POM121C: variants seen among roughly 807,000 people sequenced by gnomAD.
POM121C encodes the protein nuclear envelope pore membrane protein POM 121C.
POM121C carries 20 observed loss-of-function variants against 66.4 expected under a neutral mutation model. The observed-to-expected ratio is 0.30, with a 90% CI of 0.21 to 0.44. POM121C has a LOEUF of 0.44. POM121C is among the 20% of genes least tolerant of loss of function. The probability of loss-of-function intolerance (pLI) is 1.00; values close to 1 mark genes in which losing one functional copy is unlikely to be tolerated. For missense variants in POM121C, 580 were observed against 1,225.7 expected, an observed-to-expected ratio of 0.47 and a Z score of 7.87; for synonymous variants, 286 against 528.0, an observed-to-expected ratio of 0.54 and a Z score of 6.28.
chr7:75,434,546 G>C (rs1790329785), intron 7 of POM121C, among the ~76,000 whole-genome samples: 1 of 151,100 alleles, frequency 6.6e-6, no homozygotes, highest in African/African-American at 2.4e-5. Flanking sequence ...CAAAGTGCTG[G>C]GATTACAAGA....
intron 5 of POM121C, among the ~76,000 whole-genome samples, chr7:75,439,572 G>C (rs1790550209): frequency 6.6e-6 from 1 of 151,984 alleles, no homozygotes; most frequent in African/African-American, 2.4e-5. Context: ...TTTTTGTACA[G>C]GCGAGGGCTC....
At chr7:75,465,978 G>C (rs1194499843) in intron 3 of POM121C, among the ~76,000 whole-genome samples, 23 of 146,558 alleles carry the variant, frequency 1.6e-4, no homozygotes, top group African/African-American at 5.8e-4. Flanking sequence ...AAACCTGTCA[G>C]CTGGGCATGG....
rs1469609999 is a variant in POM121C, at chr7:75,417,228, A to AATTAC, written c.*1563_*1567dup. 1.1e-6 allele frequency: 1 copy of AATTAC among 947,620 alleles called. No individual in the cohort carries two copies. Among genetic ancestry groups the AATTAC allele is most frequent in the African/African-American group, 1.8e-5 (1 of 56,338 alleles). 58.7% of individuals were successfully genotyped at this position (947,620 alleles called of 1,614,324 possible). A position where few individuals can be genotyped will look rare whatever the true frequency, so the allele number is the denominator to read the frequency against. On this transcript the variant is annotated 3_prime_UTR_variant, in exon 15 of 15. Transcript: ENST00000615331. ...TACATCACATTATTTATAAAATAAG[A>AATTAC]ATTACATTTCATATAACATGGCCAG...
chr7:75,435,557 C>T (rs1247572938), intron 7 of POM121C, among the ~76,000 whole-genome samples: 2 of 152,106 alleles, frequency 1.3e-5, no homozygotes, highest in Admixed American at 1.3e-4. Flanking sequence ...AACTTTCAAA[C>T]ATACTGAACA....
chr7:75,429,853 A>C (rs1371631815), intron 7 of POM121C, among the ~76,000 whole-genome samples: 1 of 151,996 alleles, frequency 6.6e-6, no homozygotes, highest in Admixed American at 6.6e-5. Context: ...TCTCTACTAT[A>C]AGTTTTTTAA....
At chr7:75,438,756 C>G (rs1790515452) in intron 6 of POM121C, among the ~76,000 whole-genome samples, 2 of 152,190 alleles carry the variant, frequency 1.3e-5, no homozygotes, top group East Asian at 3.8e-4. Context: ...TCTTTCCACA[C>G]AGACTTTTGA....
chr7:75,473,097 G>C (rs1192418009), intron 3 of POM121C, among the ~76,000 whole-genome samples: 2 of 152,192 alleles, frequency 1.3e-5, no homozygotes, highest in Non-Finnish European at 2.9e-5. Flanking sequence ...GAGGAAGGTA[G>C]ACAGAATTCA....
chr7:75,437,818 T>G (rs1430625345), intron 6 of POM121C, 132 bp from the exon 7 acceptor site: 1 of 1,359,458 alleles, frequency 7.4e-7, no homozygotes, highest in African/African-American at 1.5e-5. Context: ...CTGCTAACAA[T>G]CTGGCCAAAT....
At chr7:75,436,899 G>A (rs1370005422) in intron 7 of POM121C, among the ~76,000 whole-genome samples, 1 of 152,068 alleles carries the variant, frequency 6.6e-6, no homozygotes, top group Non-Finnish European at 1.5e-5. Context: ...GGGATTACAG[G>A]CATGAGCCAT....
Position 75,417,547 on chromosome 7 carries a change from GAAGGACGGAAGGA to G in POM121C, c.*1236_*1248del, listed in dbSNP as rs1166932705. 1 of 985,188 alleles carries G rather than the reference GAAGGACGGAAGGA, an allele frequency of 1.0e-6. No individual in the cohort carries two copies. Among genetic ancestry groups the G allele is most frequent in the African/African-American group, 1.7e-5 (1 of 57,214 alleles). The allele number at this position is 985,188 out of a possible 1,614,324, so 61.0% of individuals were successfully genotyped here. ...CTTGGGCCTGGGGTATGTGGTTTCA[GAAGGACGGAAGGA>G]AAGGATGGGCTGCAGAGGGCCCTGT... On this transcript the variant is annotated 3_prime_UTR_variant, in exon 15 of 15. Transcript: ENST00000615331.
rs1789556599 is a variant in POM121C at position 75,418,311 on chromosome 7, G to A, written c.*485C>T. On this transcript the variant is annotated 3_prime_UTR_variant, in exon 15 of 15. Coordinates refer to ENST00000615331, the MANE Select transcript of POM121C (RefSeq NM_001099415.3). ...AAGAAATGGGGAAACAGAGTCCCCAGAAGGGACCAGAGGAAGAGAACCACT... is the reference window on the plus strand; with the variant it reads ...AAGAAATGGGGAAACAGAGTCCCCAAAAGGGACCAGAGGAAGAGAACCACT... The A allele has an allele frequency of 9.4e-6, 9 of 960,536 alleles. No individual in the cohort carries two copies. The highest frequency in any genetic ancestry group is 9.9e-6 in the Non-Finnish European group (8 of 806,792). The allele number at this position is 960,536 out of a possible 1,614,324, so 59.5% of individuals were successfully genotyped here.
At chr7:75,424,425 C>G (rs1202806814) in intron 11 of POM121C, 101 bp downstream of exon 11, 10 of 1,507,924 alleles carry the variant, frequency 6.6e-6, no homozygotes, top group South Asian at 5.9e-5. Context: ...AACTCTACTT[C>G]GGATTTTCCC....
intron 3 of POM121C, among the ~76,000 whole-genome samples, chr7:75,448,206 C>T (rs1290315324): frequency 2.6e-5 from 4 of 151,998 alleles, no homozygotes; most frequent in African/African-American, 9.7e-5. Flanking sequence ...CACTGCATTC[C>T]AGCCTGGGTA....
At chr7:75,441,213 T>C (rs1363354602) in intron 4 of POM121C, 98 bp from the exon 5 acceptor site, 1 of 1,547,792 alleles carries the variant, frequency 6.5e-7, no homozygotes, top group East Asian at 2.3e-5. Flanking sequence ...AAAGTATAAT[T>C]TATACACTCA....
chr7:75,442,493 G>C, intron 3 of POM121C: 2 of 1,416,626 alleles, frequency 1.4e-6, no homozygotes, highest in South Asian at 1.5e-5. Flanking sequence ...CAAGGGGCGC[G>C]AACCTCGGGG....
intron 3 of POM121C, among the ~76,000 whole-genome samples, chr7:75,443,504 T>C (rs1416766963): frequency 1.3e-5 from 2 of 151,580 alleles, no homozygotes; most frequent in African/African-American, 4.9e-5. Flanking sequence ...CATTCATTCA[T>C]TGATTTATTC....
At chr7:75,435,683 G>A (rs1203659330) in intron 7 of POM121C, among the ~76,000 whole-genome samples, 1 of 152,166 alleles carries the variant, frequency 6.6e-6, no homozygotes, top group Non-Finnish European at 1.5e-5. Context: ...AAGACCAAAT[G>A]AATCACAATT....
At chr7:75,428,839 G>A (rs1310261189) in intron 7 of POM121C, among the ~76,000 whole-genome samples, 8 of 152,114 alleles carry the variant, frequency 5.3e-5, no homozygotes, top group Non-Finnish European at 8.8e-5. Context: ...AATTAGCCAG[G>A]TGTGGTGGTG....
At position 75,474,782 on chromosome 7, in the gene POM121C, G is replaced by A; in HGVS notation, c.-230C>T. 1 of 1,328,480 alleles carries A rather than the reference G, an allele frequency of 7.5e-7. No individual in the cohort carries two copies. Among genetic ancestry groups the A allele is most frequent in the Non-Finnish European group, 1.1e-6 (1 of 938,276 alleles). 82.3% of individuals were successfully genotyped at this position (1,328,480 alleles called of 1,614,324 possible). A position where few individuals can be genotyped will look rare whatever the true frequency, so the allele number is the denominator to read the frequency against. The stretch of plus-strand genomic sequence containing the variant: ...TGCTCCAACTTAATGATGACGTTTG[G>A]CTTGGTGATATCATATCTTGTTAAT... On this transcript the variant is annotated 5_prime_UTR_variant, in exon 3 of 15. Transcript: ENST00000615331.
Sources: gnomAD v4.1 joint callset for allele counts (sites outside exome capture counted in the v4.1 genomes callset) on GRCh38, gnomAD v4.1.1 for gene constraint, MANE v1.5 for transcripts, NCBI Gene and HGNC (gene_info 2026-07-23, HGNC 2026-07-21) for gene names.